Variants in SMIM35 observed in about 807,000 individuals in gnomAD.
The protein encoded by SMIM35 is small integral membrane protein 35, also known as TMPRSS4 antisense RNA 1 (non-protein coding).
At chr11:118,054,805 ATT>A (rs34274655) in intron 1 of SMIM35, among the ~76,000 whole-genome samples, 197 of 139,354 alleles carry the variant, frequency 1.4e-3, no homozygotes, top group Middle Eastern at 3.6e-3. Context: ...TATTTTCAGG[ATT>A]TTTTTTTTTT....
chr11:118,053,868 C>T (rs1944264051), intron 1 of SMIM35, among the ~76,000 whole-genome samples: 1 of 152,158 alleles, frequency 6.6e-6, no homozygotes, highest in African/African-American at 2.4e-5. Context: ...GGAGTTGGAC[C>T]AAGACACAAT....
intron 1 of SMIM35, among the ~76,000 whole-genome samples, chr11:118,019,021 C>T (rs1469538726): frequency 6.6e-6 from 1 of 152,152 alleles, no homozygotes; most frequent in Non-Finnish European, 1.5e-5. Context: ...CCTCTCCTAT[C>T]TCTCCCTCCA....
At chr11:118,035,897 T>C (rs2058356173) in intron 1 of SMIM35, among the ~76,000 whole-genome samples, 1 of 152,192 alleles carries the variant, frequency 6.6e-6, no homozygotes, top group African/African-American at 2.4e-5. Flanking sequence ...GTTTGTTTGT[T>C]TGTTTGACAG....
At chr11:118,049,862 C>T (rs12225323) in intron 1 of SMIM35, among the ~76,000 whole-genome samples, 11,422 of 152,002 alleles carry the variant, frequency 0.075, 702 homozygotes, top group East Asian at 0.29. Context: ...TCAATGTGTC[C>T]GCCGTGCAAA....
At chr11:118,071,945 C>T (rs1309994380) in intron 1 of SMIM35, among the ~76,000 whole-genome samples, 3 of 152,164 alleles carry the variant, frequency 2.0e-5, no homozygotes, top group Non-Finnish European at 2.9e-5. Context: ...GCACACATAC[C>T]TTGAGCAGGA....
At chr11:118,071,513 G>C (rs1944571033) in intron 1 of SMIM35, among the ~76,000 whole-genome samples, 1 of 152,160 alleles carries the variant, frequency 6.6e-6, no homozygotes, top group Non-Finnish European at 1.5e-5. Flanking sequence ...TTCCCTCCAC[G>C]CTGCATTCCA....
intron 3 of SMIM35, 122 bp downstream of exon 3, chr11:118,014,586 T>A: frequency 2.5e-6 from 1 of 398,056 alleles, no homozygotes; most frequent in African/African-American, 2.1e-5. Flanking sequence ...TTTTATTTTC[T>A]TAGGGGCATG....
intron 1 of SMIM35, among the ~76,000 whole-genome samples, chr11:118,060,211 G>A (rs1297979379): frequency 6.6e-6 from 1 of 152,154 alleles, no homozygotes; most frequent in African/African-American, 2.4e-5. Context: ...CCTGCCTAGA[G>A]TCTCTGCCCA....
At chr11:118,043,847 C>G (rs1414613598) in intron 1 of SMIM35, among the ~76,000 whole-genome samples, 3 of 140,722 alleles carry the variant, frequency 2.1e-5, no homozygotes, top group East Asian at 2.0e-4. Flanking sequence ...TATGGGGGGG[C>G]CAGGGGAAGT....
intron 1 of SMIM35, among the ~76,000 whole-genome samples, chr11:118,024,144 A>T (rs1231498732): frequency 2.0e-5 from 3 of 152,156 alleles, no homozygotes; most frequent in Non-Finnish European, 4.4e-5. Flanking sequence ...AAAAATTTTG[A>T]TGAGATATGG....
chr11:118,059,160 C>T (rs1039227303), intron 1 of SMIM35: 17 of 152,504 alleles, frequency 1.1e-4, no homozygotes, highest in South Asian at 6.2e-4. Context: ...TGATTGAGAA[C>T]ATCTTCAAGC....
chr11:118,030,016 T>C (rs1204243986), intron 1 of SMIM35, among the ~76,000 whole-genome samples: 7 of 152,034 alleles, frequency 4.6e-5, no homozygotes, highest in Admixed American at 4.6e-4. Context: ...GAAAATATCT[T>C]GGGGAATGGG....
At chr11:118,068,494 G>T (rs533809393) in intron 1 of SMIM35, among the ~76,000 whole-genome samples, 2 of 152,188 alleles carry the variant, frequency 1.3e-5, no homozygotes, top group Non-Finnish European at 2.9e-5. Flanking sequence ...GCTCGTAAAC[G>T]TTGGATGAAG....
intron 1 of SMIM35, among the ~76,000 whole-genome samples, chr11:118,073,594 C>A (rs955117242): frequency 6.6e-6 from 1 of 152,212 alleles, no homozygotes; most frequent in East Asian, 1.9e-4. Flanking sequence ...CAAGTCTGAG[C>A]GTCAGGCTGG....
intron 1 of SMIM35, among the ~76,000 whole-genome samples, chr11:118,058,184 G>C (rs1944344251): frequency 6.6e-6 from 1 of 152,144 alleles, no homozygotes; most frequent in South Asian, 2.1e-4. Context: ...CCTGTTGTGG[G>C]ACTGTTCTGC....
At chr11:118,067,401 C>G (rs1429660082) in intron 1 of SMIM35, 1 of 152,174 alleles carries the variant, frequency 6.6e-6, no homozygotes, top group Admixed American at 6.5e-5. Context: ...CAGGGGGCCA[C>G]CTGGTTGCCT....
intron 1 of SMIM35, among the ~76,000 whole-genome samples, chr11:118,023,326 G>A (rs1311549981): frequency 6.6e-6 from 1 of 152,014 alleles, no homozygotes; most frequent in African/African-American, 2.4e-5. Context: ...GATTCAATAA[G>A]TCTCAAATTA....
Position 118,048,946 on chromosome 11 carries a change from CA to C in SMIM35, c.8-33138del, listed in dbSNP as rs57261529. Among the ~76,000 whole-genome samples, 85 of 60,500 alleles carry C rather than the reference CA, an allele frequency of 1.4e-3. 2 individuals are homozygous for C. Among genetic ancestry groups the C allele is most frequent in the African/African-American group, 3.0e-3 (41 of 13,726 alleles). 39.7% of individuals were successfully genotyped at this position (60,500 alleles called of 152,430 possible). A position where few individuals can be genotyped will look rare whatever the true frequency, so the allele number is the denominator to read the frequency against. On this transcript the variant is annotated intron_variant, in intron 1 of 4. Transcript: ENST00000689828. ...GCCTATCGCCTAGGCTGAAGAGCTG[CA>C]AAAAAAAAAAAAAAAAAGCAAGTGA...
intron 1 of SMIM35, among the ~76,000 whole-genome samples, chr11:118,076,751 C>T (rs1260904602): frequency 6.6e-6 from 1 of 152,132 alleles, no homozygotes; most frequent in African/African-American, 2.4e-5. Flanking sequence ...TGTCGCCCAA[C>T]CCCCAGACCA....
Sources: allele counts gnomAD v4.1 joint callset (sites outside exome capture counted in the v4.1 genomes callset), GRCh38; gene constraint gnomAD v4.1.1; transcripts MANE v1.5; gene names NCBI Gene and HGNC (gene_info 2026-07-23, HGNC 2026-07-21).